LRRC8A: variants seen among roughly 807,000 people sequenced by gnomAD.
LRRC8A encodes the protein volume-regulated anion channel subunit LRRC8A.
Under a neutral mutation model 52.5 loss-of-function variants are expected in LRRC8A, and 24 were observed. The observed-to-expected ratio is 0.46, with a 90% CI of 0.33 to 0.64. LRRC8A has a LOEUF of 0.64. LRRC8A is among the 30% of genes least tolerant of loss of function. The pLI, the probability that LRRC8A is intolerant of heterozygous loss-of-function variation, is 0.02. For synonymous variants in LRRC8A, 492 were observed against 494.2 expected, an observed-to-expected ratio of 1.00 and a Z score of 0.06; for missense variants, 677 against 1,094.7, an observed-to-expected ratio of 0.62 and a Z score of 5.38.
In LRRC8A at chr9:128,907,657, G is replaced by A. The variant is rs140343083; in HGVS notation, c.493G>A (p.Asp165Asn). ...TGTGTCTATCCTGCTGAAGTGCTTC[G>A]ACTCGCCCTGGACCACGAGGGCCCT... ...HFVSILLKCF[D>N]SPWTTRALSE... Residue 165 changes from aspartate to asparagine, a missense_variant, in exon 3 of 4, where the codon GAC becomes AAC. Around this residue, in one of 4 missense-constraint regions of LRRC8A, gnomAD observed 422 missense variants for 741.5 expected, o/e 0.57. Transcript: ENST00000372600. This position sits in a 1 kb window ranked among gnomAD's most constrained non-coding sequence, Gnocchi z 9.3. 1.4e-5 allele frequency: 23 copies of A among 1,613,924 alleles called. No homozygotes were observed. The highest frequency in any genetic ancestry group is 5.0e-5 in the Admixed American group (3 of 59,998).
At chr9:128,888,716 G>T (rs1281736619) in intron 2 of LRRC8A, among the ~76,000 whole-genome samples, 1 of 152,110 alleles carries the variant, frequency 6.6e-6, no homozygotes, top group Non-Finnish European at 1.5e-5. Flanking sequence ...CGCGCTGGGA[G>T]TGAGGTCTGT....
chr9:128,913,529 G>C (rs1418201986), intron 3 of LRRC8A, among the ~76,000 whole-genome samples: 1 of 152,066 alleles, frequency 6.6e-6, no homozygotes, highest in African/African-American at 2.4e-5. Context: ...GGTGGGAGCC[G>C]AGCAACTGAG....
At position 128,907,737 on chromosome 9, in the gene LRRC8A, T is replaced by G; in HGVS notation, c.573T>G (p.Asn191Lys). 2 of 1,613,538 alleles carry G rather than the reference T, an allele frequency of 1.2e-6. No homozygotes were observed. Among genetic ancestry groups the G allele is most frequent in the Non-Finnish European group, 1.7e-6 (2 of 1,179,770 alleles). Residue 191 changes from asparagine to lysine, a missense_variant, in exon 3 of 4, where the codon AAT becomes AAG. This residue lies in a region of LRRC8A where 422 missense variants were observed against 741.5 expected (regional missense o/e 0.57). Coordinates refer to ENST00000372600, the MANE Select transcript of LRRC8A (RefSeq NM_019594.4). The surrounding 1 kb of genome is among the most constrained non-coding windows in gnomAD (Gnocchi z 9.3). The stretch of plus-strand genomic sequence containing the variant: ...CCAAGCCGGCCTTCAGCAAGATGAA[T>G]GGGTCCATGGACAAAAAGTCATCGA... ...SDPKPAFSKM[N>K]GSMDKKSSTV... is the part of the protein sequence containing the mutation.
At chr9:128,901,043 C>T (rs1840004370) in intron 2 of LRRC8A, among the ~76,000 whole-genome samples, 1 of 152,084 alleles carries the variant, frequency 6.6e-6, no homozygotes, top group African/African-American at 2.4e-5. Context: ...CATGGTGGTG[C>T]ACGCCTGTAA....
rs1171059888 is a variant in LRRC8A at position 128,902,886 on chromosome 9, G to A, written c.-8-4271G>A. 6.6e-6 allele frequency among the ~76,000 whole-genome samples: 1 copy of A among 152,162 alleles called. No homozygotes were observed. Among genetic ancestry groups the A allele is most frequent in the Non-Finnish European group, 1.5e-5 (1 of 68,018 alleles). ...TTCTGGCCTGGAGCTGCCAGCCCAG[G>A]GCGGGCGGTGGTGTCTGCTGGCCCC... On this transcript the variant is annotated intron_variant, in intron 2 of 3. Coordinates refer to ENST00000372600, the MANE Select transcript of LRRC8A (RefSeq NM_019594.4). This position sits in a 1 kb window ranked among gnomAD's most constrained non-coding sequence, Gnocchi z 4.1.
intron 1 of LRRC8A, chr9:128,882,562 G>T (rs939313161): frequency 2.5e-6 from 1 of 397,200 alleles, no homozygotes; most frequent in Non-Finnish European, 4.4e-6. Flanking sequence ...CATCCCCTGG[G>T]TCCCCCCAGA....
rs1190713449 is a variant in LRRC8A at position 128,907,920 on chromosome 9, C to A, written c.756C>A (p.Thr252=). Reference sequence around the variant, plus strand: ...TTGAGAAGGTGAAGAAGTTCCGGACCCATGTGGAGGAGGGGGACATTGTGT... The same window carrying A: ...TTGAGAAGGTGAAGAAGTTCCGGACACATGTGGAGGAGGGGGACATTGTGT... ...ALFEKVKKFR[T]HVEEGDIVYR... is the part of the protein sequence containing the mutation. Residue 252 remains threonine (T), a synonymous_variant, in exon 3 of 4, where the codon ACC becomes ACA. Coordinates refer to ENST00000372600, the MANE Select transcript of LRRC8A (RefSeq NM_019594.4). The surrounding 1 kb of genome is among the most constrained non-coding windows in gnomAD (Gnocchi z 9.3). 2 of 1,613,928 alleles carry A rather than the reference C, an allele frequency of 1.2e-6. No homozygotes were observed. The highest frequency in any genetic ancestry group is 1.7e-6 in the Non-Finnish European group (2 of 1,180,020).
At chr9:128,910,077 G>T (rs73669997) in intron 3 of LRRC8A, among the ~76,000 whole-genome samples, 1,914 of 152,308 alleles carry the variant, frequency 0.013, 28 homozygotes, top group African/African-American at 0.041. Context: ...AGGGCCCCTT[G>T]GTGGAGGCAG....
In LRRC8A at chr9:128,904,316, C is replaced by G. The variant is rs183314825; in HGVS notation, c.-8-2841C>G. Among the ~76,000 whole-genome samples, 298 of 152,086 alleles carry G rather than the reference C, an allele frequency of 2.0e-3. 1 individual carries two copies. The highest frequency in any genetic ancestry group is 3.2e-3 in the Non-Finnish European group (220 of 67,994). On this transcript the variant is annotated intron_variant, in intron 2 of 3. Coordinates refer to ENST00000372600, the MANE Select transcript of LRRC8A (RefSeq NM_019594.4). The stretch of plus-strand genomic sequence containing the variant: ...GGTGGATCACCTCAGGTCAGGAGTT[C>G]GAGACCAGCCTGGCCAACGTGGCGA...
intron 1 of LRRC8A, chr9:128,884,986 C>T (rs555860071): frequency 6.6e-6 from 1 of 152,308 alleles, no homozygotes; most frequent in African/African-American, 2.4e-5. Context: ...AACAGCCATC[C>T]CTCCTAGATC....
At chr9:128,901,081 G>A (rs1343465861) in intron 2 of LRRC8A, among the ~76,000 whole-genome samples, 2 of 152,216 alleles carry the variant, frequency 1.3e-5, no homozygotes, top group Non-Finnish European at 2.9e-5. Context: ...GCAGAGGCAG[G>A]AGAGTTGATT....
chr9:128,896,397 C>A (rs1195434361), intron 2 of LRRC8A, among the ~76,000 whole-genome samples: 1 of 152,194 alleles, frequency 6.6e-6, no homozygotes, highest in Non-Finnish European at 1.5e-5. Flanking sequence ...TGTGGTTTCT[C>A]ACTTATGTGT....
At chr9:128,886,815 G>A (rs1839417031) in intron 2 of LRRC8A, among the ~76,000 whole-genome samples, 1 of 152,210 alleles carries the variant, frequency 6.6e-6, no homozygotes, top group African/African-American at 2.4e-5. Context: ...TGTGTAATTT[G>A]CCAGACATAC....
At chr9:128,906,363 C>T (rs1399287739) in intron 2 of LRRC8A, among the ~76,000 whole-genome samples, 1 of 130,660 alleles carries the variant, frequency 7.7e-6, no homozygotes, top group African/African-American at 2.9e-5. Flanking sequence ...ACTCTTGTCG[C>T]CCAGGCTGGA....
At chr9:128,903,369 A>ATTGGGGCT (rs1787848476) in intron 2 of LRRC8A, among the ~76,000 whole-genome samples, 1 of 148,558 alleles carries the variant, frequency 6.7e-6, no homozygotes, top group South Asian at 2.1e-4. Context: ...GCCTAGAAAG[A>ATTGGGGCT]TTGGGGCTGG....
chr9:128,907,216 C>A lies in LRRC8A; in HGVS notation c.52C>A (p.Arg18=), dbSNP rs764430309. The stretch of plus-strand genomic sequence containing the variant: ...CTTTGCGGACACGCAGCCAGCATAC[C>A]GGATCCTGAAGCCGTGGTGGGATGT... ...RYFADTQPAY[R]ILKPWWDVFT... The change falls in exon 3 of 4, where the codon CGG becomes AGG. Residue 18 remains arginine, a synonymous_variant. Coordinates refer to ENST00000372600, the MANE Select transcript of LRRC8A (RefSeq NM_019594.4). The surrounding 1 kb of genome is among the most constrained non-coding windows in gnomAD (Gnocchi z 9.3). 1.9e-6 allele frequency: 3 copies of A among 1,613,626 alleles called. No homozygotes were observed. Among genetic ancestry groups the A allele is most frequent in the Non-Finnish European group, 2.5e-6 (3 of 1,179,638 alleles).
chr9:128,901,237 G>T (rs761738123), intron 2 of LRRC8A, among the ~76,000 whole-genome samples: 11 of 152,162 alleles, frequency 7.2e-5, no homozygotes, highest in Non-Finnish European at 1.2e-4. Context: ...GGCCAAGGCG[G>T]GTGGATCATG....
In LRRC8A at chr9:128,902,248, G is replaced by A. The variant is rs1434229994; in HGVS notation, c.-8-4909G>A. ...CCTAGCCAAGGGCTGAACAGAGTCC[G>A]GATGTTCCCAGACCAAGCACGGAGT... is the stretch of plus-strand genomic sequence containing the variant. On this transcript the variant is annotated intron_variant, in intron 2 of 3. Coordinates refer to ENST00000372600, the MANE Select transcript of LRRC8A (RefSeq NM_019594.4). The surrounding 1 kb of genome is among the most constrained non-coding windows in gnomAD (Gnocchi z 4.1). 2.0e-5 allele frequency among the ~76,000 whole-genome samples: 3 copies of A among 152,224 alleles called. No individual in the cohort carries two copies. The highest frequency in any genetic ancestry group is 2.1e-4 in the South Asian group (1 of 4,832).
intron 2 of LRRC8A, among the ~76,000 whole-genome samples, chr9:128,901,122 G>A (rs538765166): frequency 2.6e-5 from 4 of 152,182 alleles, no homozygotes; most frequent in African/African-American, 9.6e-5. Flanking sequence ...GCATTGAGCC[G>A]AGATCGTGCC....
Sources: allele counts gnomAD v4.1 joint callset (sites outside exome capture counted in the v4.1 genomes callset), GRCh38; gene constraint gnomAD v4.1.1; regional missense constraint gnomAD v4.1.1; non-coding constraint Gnocchi (gnomAD v3.1); transcripts MANE v1.5; gene names NCBI Gene and HGNC (gene_info 2026-07-23, HGNC 2026-07-21).